SYNE2: variants seen among roughly 807,000 people sequenced by gnomAD.
SYNE2 encodes nesprin-2.
SYNE2 carries 431 observed loss-of-function variants against 856.3 expected under a neutral mutation model. The observed-to-expected ratio is 0.50, with a 90% confidence interval of 0.47 to 0.55. SYNE2 has a LOEUF of 0.55. Ranked by LOEUF, SYNE2 falls within the 20% of genes least tolerant of loss-of-function variation. SYNE2 has a pLI of 0.00. For missense variants in SYNE2, 8,129 were observed against 8,023.2 expected (o/e 1.01, Z -0.50); for synonymous variants, 2,923 against 2,872.3 (o/e 1.02, Z -0.56).
intron 1 of SYNE2, among the ~76,000 whole-genome samples, chr14:63,882,809 T>C (rs2094895572): frequency 6.6e-6 from 1 of 152,168 alleles, no homozygotes; most frequent in Non-Finnish European, 1.5e-5. Context: ...AGGTTGAGAC[T>C]TTGGACTCAG....
rs2096582321 is a variant in SYNE2, at chr14:63,981,151, CAAA to C, written c.1815_1817del (p.Lys607del). On this transcript the variant is annotated inframe_deletion, in exon 16 of 116. Transcript: ENST00000555002. ...TTACTAAGGGCTTGCTTTGAGGAGA[CAAA>C]GAAGGAAGAAATTAAAGAGGTATTT... 1 of 1,613,314 alleles carries C rather than the reference CAAA, an allele frequency of 6.2e-7. No homozygotes were observed. Among genetic ancestry groups the C allele is most frequent in the African/African-American group, 1.3e-5 (1 of 74,814 alleles).
chr14:64,021,119 GT>G (rs571573143), intron 35 of SYNE2, among the ~76,000 whole-genome samples, 195 bp from the exon 36 acceptor site: 126 of 151,968 alleles, frequency 8.3e-4, no homozygotes, highest in Middle Eastern at 3.4e-3. Context: ...ATCCATTTCA[GT>G]TTTTTTTATG....
At chr14:64,089,732 G>T (rs749011219) in intron 59 of SYNE2, 36 bp downstream of exon 59, 1 of 1,466,744 alleles carries the variant, frequency 6.8e-7, no homozygotes, top group Non-Finnish European at 9.5e-7. Context: ...ATTTTCTTAT[G>T]ATACTTATTA....
At chr14:64,218,095 C>A (rs764851215) in intron 108 of SYNE2, 1 of 371,550 alleles carries the variant, frequency 2.7e-6, no homozygotes, top group African/African-American at 2.1e-5. Context: ...TGATTTGTTT[C>A]GTGTGGATCA....
At chr14:63,804,627 G>A (rs1888288383) in intron 1 of SYNE2, among the ~76,000 whole-genome samples, 1 of 152,204 alleles carries the variant, frequency 6.6e-6, no homozygotes, top group South Asian at 2.1e-4. Flanking sequence ...TTGAATAGCT[G>A]TGATTACAGG....
At chr14:63,768,454 C>T (rs2139698032) in intron 1 of SYNE2, among the ~76,000 whole-genome samples, 1 of 152,284 alleles carries the variant, frequency 6.6e-6, no homozygotes, top group East Asian at 1.9e-4. Context: ...AGACTATAAA[C>T]TCTTAATGGC....
chr14:63,853,740 A>G (rs918521960), intron 1 of SYNE2, among the ~76,000 whole-genome samples: 5 of 151,242 alleles, frequency 3.3e-5, no homozygotes, highest in African/African-American at 1.2e-4. Context: ...CGGCCCGGGC[A>G]CTGGAGGGGC....
intron 54 of SYNE2, 78 bp downstream of exon 54, chr14:64,076,178 A>G: frequency 1.3e-6 from 2 of 1,514,744 alleles, no homozygotes; most frequent in Non-Finnish European, 1.8e-6. Flanking sequence ...TTTAATGTCA[A>G]ATTCCATTTG....
intron 1 of SYNE2, among the ~76,000 whole-genome samples, chr14:63,854,523 G>GC (rs1297512198): frequency 1.3e-5 from 2 of 152,206 alleles, no homozygotes; most frequent in African/African-American, 4.8e-5. Context: ...AGCCCGGCCA[G>GC]CCCCCTGGGG....
chr14:64,143,997 A>C (rs1375137471), intron 83 of SYNE2, 49 bp downstream of exon 83: 1 of 1,609,756 alleles, frequency 6.2e-7, no homozygotes, highest in Middle Eastern at 1.7e-4. Flanking sequence ...TTTATGAAAC[A>C]CACTTTCTGA....
At chr14:64,207,403 C>T (rs1201595724) in intron 100 of SYNE2, among the ~76,000 whole-genome samples, 1 of 152,060 alleles carries the variant, frequency 6.6e-6, no homozygotes, top group Non-Finnish European at 1.5e-5. Flanking sequence ...GGTAAAACCC[C>T]ATCTCTACCA....
chr14:64,044,410 G>A (rs576762069), intron 45 of SYNE2, among the ~76,000 whole-genome samples: 7 of 152,242 alleles, frequency 4.6e-5, no homozygotes, highest in South Asian at 2.1e-4. Context: ...CAGGCTCATA[G>A]GCAAAGGGAC....
At position 64,224,540 on chromosome 14, in the gene SYNE2, G is replaced by C; in HGVS notation, c.20462G>C (p.Arg6821Pro). ...CCTGCAACATCCGTGCCAGCTCCCC[G>C]AGCAAAGGTAAGAAGCCCCTTCCTT... ...QPPATSVPAP[R>P]AKFRAVRTTE... The change falls in exon 114 of 116, where the codon CGA (arginine) becomes CCA (proline). Residue 6821 changes from arginine (R) to proline (P), a missense_variant. This residue lies in a region of SYNE2 where 5,410 missense variants were observed against 5,284.8 expected (regional missense o/e 1.02). Coordinates refer to ENST00000555002, the MANE Select transcript of SYNE2 (RefSeq NM_182914.3). 1.9e-6 allele frequency: 3 copies of C among 1,614,026 alleles called. No homozygotes were observed. The highest frequency in any genetic ancestry group is 1.3e-5 in the African/African-American group (1 of 74,992).
intron 96 of SYNE2, 148 bp from the exon 97 acceptor site, chr14:64,186,276 G>A (rs892221751): frequency 3.2e-5 from 32 of 994,374 alleles, no homozygotes; most frequent in East Asian, 4.8e-5. Flanking sequence ...GCAGGCGCTC[G>A]TCTTGGGCTG....
At chr14:64,175,275 A>C (rs928516529) in intron 95 of SYNE2, 137 bp downstream of exon 95, 1 of 937,398 alleles carries the variant, frequency 1.1e-6, no homozygotes. Context: ...TCTGTAAGTC[A>C]TGCCAGTTAC....
At chr14:63,996,428 C>T (rs148646765) in intron 23 of SYNE2, among the ~76,000 whole-genome samples, 3 of 152,314 alleles carry the variant, frequency 2.0e-5, no homozygotes, top group African/African-American at 7.2e-5. Flanking sequence ...TTCCAGGCAT[C>T]TTAGAAGGCC....
chr14:64,111,541 G>T (rs940416747), intron 65 of SYNE2, among the ~76,000 whole-genome samples: 9 of 152,290 alleles, frequency 5.9e-5, no homozygotes, highest in African/African-American at 2.2e-4. Flanking sequence ...GCTTATGCCT[G>T]TAATCCCAGC....
At chr14:63,796,552 T>G (rs915782049) in intron 1 of SYNE2, among the ~76,000 whole-genome samples, 6 of 152,168 alleles carry the variant, frequency 3.9e-5, no homozygotes, top group Non-Finnish European at 7.3e-5. Flanking sequence ...ACGTATTAAA[T>G]TTGGTAGTAC....
Position 64,017,836 on chromosome 14 carries a change from AT to A in SYNE2, c.5049+82del, listed in dbSNP as rs2096905116. 4 of 1,385,616 alleles carry A rather than the reference AT, an allele frequency of 2.9e-6. No individual in the cohort carries two copies. The East Asian group carries it at 9.4e-5, about 33-fold the overall frequency. The allele number at this position is 1,385,616 out of a possible 1,614,324, so 85.8% of individuals were successfully genotyped here. ...TTTTTTATGAATATAGTCAACAAAC[AT>A]TAGGATGCTCATATGTGACTTTGTT... On this transcript the variant is annotated intron_variant, in intron 34 of 115. Transcript: ENST00000555002.
Sources: allele counts gnomAD v4.1 joint callset (sites outside exome capture counted in the v4.1 genomes callset), GRCh38; gene constraint gnomAD v4.1.1; regional missense constraint gnomAD v4.1.1; transcripts MANE v1.5; gene names NCBI Gene and HGNC (gene_info 2026-07-23, HGNC 2026-07-21).